EVL: variants seen among roughly 807,000 people sequenced by gnomAD.
EVL encodes the protein Enah/Vasp-like.
A neutral mutation model predicts 59.6 loss-of-function variants in EVL; 21 were observed. The ratio of observed to expected loss-of-function variants is 0.35; its 90% CI spans 0.25 to 0.51. EVL has a LOEUF of 0.51. EVL is among the 20% of genes least tolerant of loss of function. EVL has a pLI of 0.97. For missense variants in EVL, 462 were observed against 546.6 expected (o/e 0.85, Z 1.54); for synonymous variants, 198 against 203.5 (o/e 0.97, Z 0.23).
At chr14:100,139,501 G>A (rs1889025124) in intron 11 of EVL, 1 of 152,302 alleles carries the variant, frequency 6.6e-6, no homozygotes, top group Non-Finnish European at 1.5e-5. Context: ...CTGGAACAGG[G>A]TCTGGAACCC....
At chr14:100,060,990 T>C (rs1595112998), upstream of EVL, among the ~76,000 whole-genome samples, 1 of 144,560 alleles carries the variant, frequency 6.9e-6, no homozygotes, top group African/African-American at 2.6e-5. Flanking sequence ...AAAAAAAACC[T>C]CAGTATTCTC....
intron 3 of EVL, among the ~76,000 whole-genome samples, chr14:100,116,866 T>G (rs904065197): frequency 6.6e-6 from 1 of 152,222 alleles, no homozygotes; most frequent in African/African-American, 2.4e-5. Context: ...GATCCTTGGT[T>G]CCACGCTTCT....
chr14:100,016,092 A>AT (rs1164491420), intron 1 of EVL, among the ~76,000 whole-genome samples: 13 of 132,302 alleles, frequency 9.8e-5, no homozygotes, highest in African/African-American at 5.1e-4. Context: ...AAAAAAAAAA[A>AT]AAAATTAATT....
intron 2 of EVL, among the ~76,000 whole-genome samples, chr14:100,088,251 T>G (rs1001755515): frequency 1.3e-5 from 2 of 152,148 alleles, no homozygotes; most frequent in African/African-American, 2.4e-5. Context: ...GATTCTGTAG[T>G]TTTTAGATCC....
At chr14:99,984,077 C>G (rs1179116103) in intron 1 of EVL, among the ~76,000 whole-genome samples, 4 of 152,130 alleles carry the variant, frequency 2.6e-5, no homozygotes, top group Non-Finnish European at 4.4e-5. Flanking sequence ...GATAGTTGAT[C>G]GTGGCATTCA....
At chr14:100,081,513 CAAAA>C (rs34871876) in intron 1 of EVL, among the ~76,000 whole-genome samples, 58 of 122,378 alleles carry the variant, frequency 4.7e-4, no homozygotes, top group African/African-American at 1.2e-3. Context: ...TTAACAACAG[CAAAA>C]AAAAAAAAAA....
intron 3 of EVL, chr14:100,106,617 G>T (rs3783330): frequency 0.69 from 265,193 of 383,966 alleles, 92,862 homozygotes; most frequent in African/African-American, 0.83. Flanking sequence ...TCCGAATTTA[G>T]GTAGGTAGGT....
In EVL at chr14:100,012,269, TCTGTTTCTAA is replaced by T. The variant is rs547924322; in HGVS notation, c.5+40218_5+40227del. On this transcript the variant is annotated intron_variant, in intron 1 of 13. Transcript: ENST00000402714. ...ATTTCAGCTTTTTTAGGTTATGGGG[TCTGTTTCTAA>T]CTGTTGGAAAGGCCTGAAGTGCGTC... Among the ~76,000 whole-genome samples the T allele has an allele frequency of 5.1e-4, 77 of 152,294 alleles. 2 individuals carry two copies. The South Asian group carries it at 0.016, about 32-fold the overall frequency.
At chr14:100,061,951 G>A (rs1316279997), upstream of EVL, among the ~76,000 whole-genome samples, 1 of 151,914 alleles carries the variant, frequency 6.6e-6, no homozygotes, top group African/African-American at 2.4e-5. Flanking sequence ...TCTCGGGGTG[G>A]CAGAGGTAAA....
intron 1 of EVL, among the ~76,000 whole-genome samples, chr14:100,047,112 CTCTCTCT>C (rs1566983238): frequency 8.8e-5 from 1 of 11,404 alleles, no homozygotes; most frequent in African/African-American, 5.7e-4. Context: ...GGGCAGATCT[CTCTCTCT>C]TTTTTTTTTT....
chr14:100,087,975 G>A (rs957366385), intron 2 of EVL, among the ~76,000 whole-genome samples: 1 of 152,182 alleles, frequency 6.6e-6, no homozygotes, highest in Non-Finnish European at 1.5e-5. Context: ...GCATGACTGC[G>A]ATTTTCAAGT....
rs550674139 is a variant in EVL at position 99,982,873 on chromosome 14, C to CT, written c.5+10818dup. 4.6e-5 allele frequency among the ~76,000 whole-genome samples: 7 copies of CT among 152,326 alleles called. No homozygotes were observed. In the East Asian group the frequency reaches 1.2e-3, roughly 25 times the overall value. ...CCTGGATTCTGCCCCAGAGGTACTA[C>CT]TTATCAGCTGACTTTTAGCAATTTA... On this transcript the variant is annotated intron_variant, in intron 1 of 13. Coordinates refer to the EVL transcript ENST00000402714.
intron 1 of EVL, chr14:100,052,795 TTTAG>T (rs1229088841): frequency 2.0e-5 from 3 of 152,120 alleles, no homozygotes; most frequent in Non-Finnish European, 4.4e-5. Context: ...TCTAAATACT[TTTAG>T]AAGGTATGTG....
intron 3 of EVL, among the ~76,000 whole-genome samples, chr14:100,121,181 C>A (rs1320716968): frequency 1.3e-5 from 2 of 152,172 alleles, no homozygotes; most frequent in Non-Finnish European, 2.9e-5. Context: ...AGCCAGGAGC[C>A]TTCCTTAGCT....
chr14:100,096,544 T>C (rs181155365), intron 2 of EVL, among the ~76,000 whole-genome samples: 2 of 152,278 alleles, frequency 1.3e-5, no homozygotes, highest in East Asian at 3.9e-4. Context: ...TCTTCTCCAT[T>C]TGACAGACCA....
chr14:100,143,259 C>G (rs1251322147), intron 13 of EVL, among the ~76,000 whole-genome samples: 1 of 152,056 alleles, frequency 6.6e-6, no homozygotes, highest in Non-Finnish European at 1.5e-5. Flanking sequence ...CCTGCTGACC[C>G]CTGCAGGAGC....
intron 1 of EVL, among the ~76,000 whole-genome samples, chr14:100,034,841 G>A (rs929458382): frequency 2.0e-5 from 3 of 152,184 alleles, no homozygotes; most frequent in African/African-American, 4.8e-5. Context: ...GTTATTCTGG[G>A]CAAATTATAT....
At chr14:100,030,962 C>T (rs888236037) in intron 1 of EVL, among the ~76,000 whole-genome samples, 8 of 152,174 alleles carry the variant, frequency 5.3e-5, no homozygotes, top group Non-Finnish European at 5.9e-5. Context: ...TAGGACTACA[C>T]GGGACAACTA....
intron 1 of EVL, among the ~76,000 whole-genome samples, chr14:99,981,016 C>T (rs1227981079): frequency 6.7e-6 from 1 of 150,044 alleles, no homozygotes; most frequent in Non-Finnish European, 1.5e-5. Flanking sequence ...AGAAGGATGG[C>T]TTGAGGCCAA....
Sources: allele counts gnomAD v4.1 joint callset (sites outside exome capture counted in the v4.1 genomes callset), GRCh38; gene constraint gnomAD v4.1.1; transcripts MANE v1.5; gene names NCBI Gene and HGNC (gene_info 2026-07-23, HGNC 2026-07-21).